ARID1B: variants seen among roughly 807,000 people sequenced by gnomAD.
The protein encoded by ARID1B is AT-rich interaction domain 1B.
ARID1B carries 30 observed loss-of-function variants against 212.3 expected under a neutral mutation model. The ratio of observed to expected loss-of-function variants is 0.14; its 90% CI spans 0.11 to 0.19. The LOEUF is 0.19. Among genes scored for constraint, ARID1B ranks in the 10% least tolerant of loss-of-function variants. ARID1B has a pLI of 1.00. For synonymous variants in ARID1B, 1,402 were observed against 1,301.7 expected (o/e 1.08, Z -1.66); for missense variants, 2,891 against 3,204.0 (o/e 0.90, Z 2.36).
chr6:157,045,598 T>A lies in ARID1B; in HGVS notation c.2248-39064T>A, dbSNP rs185065662. ...TCTAGTGAATTTACTTGGCTAACTC[T>A]CTGAGTGAGTGTGACTATAAGTTAG... is the stretch of plus-strand genomic sequence containing the variant. On this transcript the variant is annotated intron_variant, in intron 4 of 19. Transcript: ENST00000636930. Among the ~76,000 whole-genome samples the A allele has an allele frequency of 2.3e-3, 357 of 152,254 alleles. 5 individuals are homozygous for A. The highest frequency in any genetic ancestry group is 0.021 in the Admixed American group (316 of 15,292).
Position 157,201,737 on chromosome 6 carries a change from C to T in ARID1B, c.5263+249C>T, listed in dbSNP as rs1026150334. Among the ~76,000 whole-genome samples, 2 of 152,040 alleles carry T rather than the reference C, an allele frequency of 1.3e-5. No individual in the cohort carries two copies. Among genetic ancestry groups the T allele is most frequent in the Admixed American group, 6.6e-5 (1 of 15,258 alleles). On this transcript the variant is annotated intron_variant, in intron 18 of 19. Transcript: ENST00000636930. The surrounding 1 kb of genome is among the most constrained non-coding windows in gnomAD (Gnocchi z 5.2). ...ATACCAGCACTTTGGGAGGCCCAGG[C>T]GGGTGGATCACGAGGTCACGAGATC...
At chr6:156,993,206 T>C (rs1410698152) in intron 4 of ARID1B, among the ~76,000 whole-genome samples, 2 of 152,184 alleles carry the variant, frequency 1.3e-5, no homozygotes, top group African/African-American at 2.4e-5. Flanking sequence ...CATGCCTGGC[T>C]AATTTTTGTA....
chr6:157,137,981 G>A (rs1789054897), intron 7 of ARID1B, among the ~76,000 whole-genome samples: 1 of 151,940 alleles, frequency 6.6e-6, no homozygotes, highest in Non-Finnish European at 1.5e-5. Context: ...TGTCTCATAA[G>A]TTCAACAAAG....
chr6:156,907,681 G>A (rs118185746), intron 3 of ARID1B, among the ~76,000 whole-genome samples: 6,461 of 151,270 alleles, frequency 0.043, 184 homozygotes, highest in Middle Eastern at 0.082. Context: ...CAGATCACCT[G>A]AGATCAGGAG....
rs55865776 is a variant in ARID1B at position 156,819,593 on chromosome 6, C to T, written c.1792-9634C>T. Among the ~76,000 whole-genome samples the T allele has an allele frequency of 5.7e-3, 873 of 152,280 alleles. 3 individuals carry two copies. Among genetic ancestry groups the T allele is most frequent in the Non-Finnish European group, 9.8e-3 (664 of 68,010 alleles). ...AAAAATCAGGGAAAAACTAGGGAAC[C>T]AAAATAGTCTTCCTTTCTGGACTTA... On this transcript the variant is annotated intron_variant, in intron 1 of 19. Transcript: ENST00000636930.
intron 4 of ARID1B, among the ~76,000 whole-genome samples, chr6:156,964,623 G>A (rs1794618329): frequency 6.6e-6 from 1 of 152,040 alleles, no homozygotes; most frequent in Admixed American, 6.6e-5. Flanking sequence ...TTGAAAGTTT[G>A]GAATCATTGA....
chr6:156,987,393 C>A (rs1022986050), intron 4 of ARID1B, among the ~76,000 whole-genome samples: 1 of 150,492 alleles, frequency 6.6e-6, no homozygotes, highest in African/African-American at 2.4e-5. Context: ...TGCAGTGGCA[C>A]GATGTCCGCT....
chr6:157,198,779 CAGTTA>C (rs1320635600), intron 16 of ARID1B, 27 bp from the exon 17 acceptor site: 2 of 1,549,032 alleles, frequency 1.3e-6, no homozygotes, highest in Admixed American at 1.8e-5. Flanking sequence ...AGCTTTTTCT[CAGTTA>C]AGTTTTCTTT....
chr6:156,815,518 G>C (rs1352538865), intron 1 of ARID1B, among the ~76,000 whole-genome samples: 1 of 152,110 alleles, frequency 6.6e-6, no homozygotes, highest in East Asian at 1.9e-4. Flanking sequence ...CATACTGTCA[G>C]AATTTCATGT....
intron 3 of ARID1B, among the ~76,000 whole-genome samples, chr6:156,929,498 T>G (rs1250971844): frequency 6.6e-6 from 1 of 152,144 alleles, no homozygotes; most frequent in African/African-American, 2.4e-5. Context: ...TGTTTCCCTT[T>G]TACGATTTGG....
chr6:157,069,184 A>G (rs912188157), intron 4 of ARID1B, among the ~76,000 whole-genome samples: 3 of 152,084 alleles, frequency 2.0e-5, no homozygotes, highest in Non-Finnish European at 4.4e-5. Context: ...AGAATTGATG[A>G]TGTCTAGTTT....
intron 6 of ARID1B, among the ~76,000 whole-genome samples, chr6:157,113,585 CAT>C (rs2128525781): frequency 6.6e-6 from 1 of 152,248 alleles, no homozygotes; most frequent in South Asian, 2.1e-4. Flanking sequence ...CGTGAGTTCT[CAT>C]GAGGTAGCAC....
intron 3 of ARID1B, among the ~76,000 whole-genome samples, chr6:156,931,365 T>C (rs997174544): frequency 6.6e-6 from 1 of 152,230 alleles, no homozygotes; most frequent in Non-Finnish European, 1.5e-5. Context: ...GCACTCCTGC[T>C]CCTGGCCTTT....
At chr6:156,831,685 G>T (rs554488775) in intron 2 of ARID1B, among the ~76,000 whole-genome samples, 4 of 152,300 alleles carry the variant, frequency 2.6e-5, no homozygotes, top group African/African-American at 7.2e-5. Context: ...TAATCCCTGT[G>T]ACTCTTATAC....
chr6:157,174,596 T>C (rs1791964481), intron 10 of ARID1B, among the ~76,000 whole-genome samples: 1 of 151,634 alleles, frequency 6.6e-6, no homozygotes, highest in Non-Finnish European at 1.5e-5. Context: ...AAGCTTGAAG[T>C]AAGCATGGTG....
chr6:156,937,010 T>C (rs183836315), intron 4 of ARID1B: 1 of 152,330 alleles, frequency 6.6e-6, no homozygotes, highest in Non-Finnish European at 1.5e-5. Context: ...CTAATTTTTA[T>C]ACCTTTTACT....
intron 18 of ARID1B, among the ~76,000 whole-genome samples, chr6:157,202,389 A>G (rs1794169211): frequency 6.6e-6 from 1 of 152,222 alleles, no homozygotes; most frequent in African/African-American, 2.4e-5. Flanking sequence ...TAGAAAATTA[A>G]AGATATTAAT....
chr6:156,814,906 G>A (rs534863417), intron 1 of ARID1B, among the ~76,000 whole-genome samples: 11 of 151,788 alleles, frequency 7.2e-5, no homozygotes, highest in Admixed American at 3.3e-4. Flanking sequence ...CCTAATCTCC[G>A]TTAATTGTGA....
intron 6 of ARID1B, among the ~76,000 whole-genome samples, chr6:157,113,545 G>A (rs1787092461): frequency 6.6e-6 from 1 of 152,158 alleles, no homozygotes; most frequent in African/African-American, 2.4e-5. Flanking sequence ...CGAAAGGGGA[G>A]GTGCTACAAA....
Sources: allele counts gnomAD v4.1 joint callset (sites outside exome capture counted in the v4.1 genomes callset), GRCh38; gene constraint gnomAD v4.1.1; non-coding constraint Gnocchi (gnomAD v3.1); transcripts MANE v1.5; gene names NCBI Gene and HGNC (gene_info 2026-07-23, HGNC 2026-07-21).